The following ZCCHC17 variants were observed in gnomAD, a reference collection of about 807,000 sequenced individuals.
ZCCHC17 encodes the protein zinc finger CCHC-type containing 17, also known as zinc finger CCHC domain-containing protein 17.
ZCCHC17 carries 18 observed loss-of-function variants against 30.6 expected under a neutral mutation model. That is an observed-to-expected ratio of 0.59 (90% CI 0.41 to 0.87). The LOEUF (loss-of-function observed/expected upper bound fraction) is 0.87, where lower values mean the gene tolerates loss of function less well. Among genes scored for constraint, ZCCHC17 ranks in the 40% least tolerant of loss-of-function variants. ZCCHC17 has a pLI of 0.00. For synonymous variants in ZCCHC17, 88 were observed against 92.4 expected, an observed-to-expected ratio of 0.95 and a Z score of 0.27; for missense variants, 263 against 284.2, an observed-to-expected ratio of 0.93 and a Z score of 0.54.
intron 7 of ZCCHC17, among the ~76,000 whole-genome samples, chr1:31,355,178 TA>T (rs59792081): frequency 0.2 from 27,699 of 136,700 alleles, 3,108 homozygotes; most frequent in East Asian, 0.43. Context: ...CCATCTCAAT[TA>T]AAAAAAAAAA....
intron 5 of ZCCHC17, among the ~76,000 whole-genome samples, chr1:31,345,117 T>C (rs1211060819): frequency 1.3e-5 from 2 of 150,266 alleles, no homozygotes; most frequent in African/African-American, 4.9e-5. Context: ...GAAGGGAGCA[T>C]GAGATGGGCT....
intron 2 of ZCCHC17, chr1:31,318,129 T>A: frequency 6.8e-7 from 1 of 1,460,010 alleles, no homozygotes; most frequent in Non-Finnish European, 9.2e-7. Flanking sequence ...TAAATAGCAG[T>A]GCAGTCAGGA....
At chr1:31,306,376 T>C (rs1024118973) in intron 1 of ZCCHC17, among the ~76,000 whole-genome samples, 1 of 152,224 alleles carries the variant, frequency 6.6e-6, no homozygotes, top group Non-Finnish European at 1.5e-5. Flanking sequence ...AGATGGCTAC[T>C]ATGTGACTAA....
intron 7 of ZCCHC17, among the ~76,000 whole-genome samples, chr1:31,361,266 C>T (rs553412410): frequency 1.3e-5 from 2 of 152,324 alleles, no homozygotes; most frequent in South Asian, 4.1e-4. Context: ...GTTATTTCAT[C>T]TTCTCTTAAA....
chr1:31,301,254 G>T (rs1343001919), intron 1 of ZCCHC17, among the ~76,000 whole-genome samples: 2 of 152,144 alleles, frequency 1.3e-5, no homozygotes, highest in Non-Finnish European at 1.5e-5. Context: ...GGGGAGGAAG[G>T]ATATGATGAT....
chr1:31,303,872 C>T (rs983355531), intron 1 of ZCCHC17, among the ~76,000 whole-genome samples: 1 of 152,202 alleles, frequency 6.6e-6, no homozygotes, highest in African/African-American at 2.4e-5. Flanking sequence ...TCTTGATGCT[C>T]GAGCTCTGAC....
At chr1:31,303,563 A>G (rs986839140) in intron 1 of ZCCHC17, among the ~76,000 whole-genome samples, 23 of 152,236 alleles carry the variant, frequency 1.5e-4, no homozygotes, top group Non-Finnish European at 1.5e-5. Flanking sequence ...TGTCTGGCCA[A>G]TTTAATATTG....
At chr1:31,333,860 A>T (rs774731272) in intron 3 of ZCCHC17, among the ~76,000 whole-genome samples, 2 of 152,190 alleles carry the variant, frequency 1.3e-5, no homozygotes, top group African/African-American at 4.8e-5. Context: ...CCTCAAGTAT[A>T]TTAGGTTCAA....
At position 31,348,958 on chromosome 1, in the gene ZCCHC17, C is replaced by G. The variant is rs1557455353; in HGVS notation, c.548C>G (p.Ser183Cys). 2 of 1,575,386 alleles carry G rather than the reference C, an allele frequency of 1.3e-6. No individual in the cohort carries two copies. The highest frequency in any genetic ancestry group is 1.7e-6 in the Non-Finnish European group (2 of 1,167,578). Reference protein sequence around the residue: ...FEKPDPTRNPSRKRKKEKKKK... With the variant: ...FEKPDPTRNPCRKRKKEKKKK... ...AAGCCTGACCCTACAAGGAATCCTTCTAGAAAAAGAAAGAAGGTGAATGCT... is the reference window on the plus strand; with the variant it reads ...AAGCCTGACCCTACAAGGAATCCTTGTAGAAAAAGAAAGAAGGTGAATGCT... Residue 183 changes from serine to cysteine, a missense_variant, in exon 7 of 8, where the codon TCT (serine) becomes TGT (cysteine). Physicochemically the swap from Ser to Cys is moderately radical, Grantham distance 112. Coordinates refer to ENST00000344147, the MANE Select transcript of ZCCHC17 (RefSeq NM_016505.4).
At chr1:31,314,573 C>T (rs1476681473) in intron 2 of ZCCHC17, among the ~76,000 whole-genome samples, 1 of 152,138 alleles carries the variant, frequency 6.6e-6, no homozygotes, top group East Asian at 1.9e-4. Context: ...GTTAAGTAAT[C>T]GCCTAGGGAT....
chr1:31,302,397 T>C (rs1383242634), intron 1 of ZCCHC17, among the ~76,000 whole-genome samples: 1 of 152,022 alleles, frequency 6.6e-6, no homozygotes, highest in African/African-American at 2.4e-5. Context: ...AAAAACTGAG[T>C]ACTTGTAGTA....
chr1:31,300,592 T>C, intron 1 of ZCCHC17, among the ~76,000 whole-genome samples: 1 of 152,180 alleles, frequency 6.6e-6, no homozygotes, highest in East Asian at 1.9e-4. Flanking sequence ...TGATGATATC[T>C]GATATCCCTA....
intron 3 of ZCCHC17, among the ~76,000 whole-genome samples, chr1:31,326,804 A>G (rs1245136252): frequency 6.6e-6 from 1 of 152,152 alleles, no homozygotes; most frequent in Non-Finnish European, 1.5e-5. Context: ...TAATCCTGAG[A>G]TCTATAGGTT....
rs141652387 is a variant in ZCCHC17, at chr1:31,364,692, G to C, written c.*499G>C. The C allele has an allele frequency of 0.016, 2,458 of 155,116 alleles. 69 individuals carry two copies. Among genetic ancestry groups the C allele is most frequent in the African/African-American group, 0.056 (2,313 of 41,610 alleles). The allele number at this position is 155,116 out of a possible 1,614,324, so 9.6% of individuals were successfully genotyped here. On this transcript the variant is annotated 3_prime_UTR_variant, in exon 8 of 8. Coordinates refer to ENST00000344147, the MANE Select transcript of ZCCHC17 (RefSeq NM_016505.4). ...AGGGGGGAACATGGTGAGAAGTGGT[G>C]CTCACTTTTCCCATTCCTCCTAACA...
At chr1:31,359,445 G>A (rs1328149090) in intron 7 of ZCCHC17, among the ~76,000 whole-genome samples, 1 of 152,060 alleles carries the variant, frequency 6.6e-6, no homozygotes, top group East Asian at 1.9e-4. Context: ...AGAATTGCCT[G>A]AACCCAGGAG....
chr1:31,309,639 A>G (rs1195623325), intron 1 of ZCCHC17, among the ~76,000 whole-genome samples: 1 of 152,172 alleles, frequency 6.6e-6, no homozygotes, highest in East Asian at 1.9e-4. Flanking sequence ...ACGAGATTGC[A>G]TGTCTAGTGC....
chr1:31,323,512 AG>A (rs1646911402), intron 3 of ZCCHC17, among the ~76,000 whole-genome samples: 2 of 151,866 alleles, frequency 1.3e-5, no homozygotes, highest in Non-Finnish European at 2.9e-5. Flanking sequence ...TAGTAGAGTC[AG>A]GGTTTCACCG....
chr1:31,357,315 G>A (rs118064453), intron 7 of ZCCHC17, among the ~76,000 whole-genome samples: 60 of 152,302 alleles, frequency 3.9e-4, no homozygotes, highest in East Asian at 2.5e-3. Flanking sequence ...AGCAGAGAGC[G>A]TTGCCCAGTG....
chr1:31,305,581 G>A (rs1043644811), intron 1 of ZCCHC17, among the ~76,000 whole-genome samples: 10 of 152,006 alleles, frequency 6.6e-5, no homozygotes, highest in African/African-American at 2.4e-4. Context: ...GAGCCACCAT[G>A]CCCGGCCATA....
Sources: allele counts gnomAD v4.1 joint callset (sites outside exome capture counted in the v4.1 genomes callset), GRCh38; gene constraint gnomAD v4.1.1; transcripts MANE v1.5; gene names NCBI Gene and HGNC (gene_info 2026-07-23, HGNC 2026-07-21).